Variants in EPB41L4A observed in about 807,000 individuals in gnomAD.
EPB41L4A encodes band 4.1-like protein 4A.
EPB41L4A carries 100 observed loss-of-function variants against 108.6 expected under a neutral mutation model. The observed-to-expected ratio is 0.92, with a 90% CI of 0.78 to 1.09. The LOEUF is 1.09. EPB41L4A is among the 50% of genes least tolerant of loss of function. The probability of loss-of-function intolerance (pLI) is 0.00; values close to 1 mark genes in which losing one functional copy is unlikely to be tolerated. For synonymous variants in EPB41L4A, 319 were observed against 289.0 expected (o/e 1.10, Z -1.05); for missense variants, 1,030 against 842.7 (o/e 1.22, Z -2.75).
intron 2 of EPB41L4A, 126 bp from the exon 3 acceptor site, chr5:112,280,449 T>C (rs552045917): frequency 2.5e-6 from 2 of 806,118 alleles, no homozygotes; most frequent in Admixed American, 1.9e-5. Context: ...ACTTCTCTCA[T>C]ATACACACAC....
intron 1 of EPB41L4A, among the ~76,000 whole-genome samples, chr5:112,331,341 T>C (rs189652917): frequency 6.6e-6 from 1 of 152,284 alleles, no homozygotes; most frequent in East Asian, 1.9e-4. Context: ...GTTTTACATA[T>C]AAACAAACCA....
intron 1 of EPB41L4A, among the ~76,000 whole-genome samples, chr5:112,403,305 T>C (rs1280927109): frequency 3.2e-5 from 4 of 123,188 alleles, no homozygotes; most frequent in Non-Finnish European, 5.2e-5. Context: ...TTTTAGGAAA[T>C]AATGATTTAT....
Position 112,418,976 on chromosome 5 carries a change from T to G in EPB41L4A, c.64A>C (p.Lys22Gln). Residue 22 changes from lysine to glutamine, a missense_variant, in exon 1 of 23, where the codon AAG becomes CAG. By Grantham distance (53) the Lys-to-Gln change is moderately conservative. Coordinates refer to ENST00000261486, the MANE Select transcript of EPB41L4A (RefSeq NM_022140.5). ...TGCTGCTGGGTGGTAAGGGTTAACTTGGATTCATCCAGGAGCAAAACTTCG... is the reference window on the plus strand; with the variant it reads ...TGCTGCTGGGTGGTAAGGGTTAACTGGGATTCATCCAGGAGCAAAACTTCG... ...YCEVLLLDES[K>Q]LTLTTQQQGI... 6.2e-7 allele frequency: 1 copy of G among 1,613,382 alleles called. No individual in the cohort carries two copies. The highest frequency in any genetic ancestry group is 8.5e-7 in the Non-Finnish European group (1 of 1,179,632).
chr5:112,285,519 T>C (rs562468429), intron 2 of EPB41L4A, among the ~76,000 whole-genome samples: 2 of 152,300 alleles, frequency 1.3e-5, no homozygotes, highest in African/African-American at 4.8e-5. Flanking sequence ...CTCCTTCATA[T>C]GAGTCACAGA....
chr5:112,346,330 A>T (rs568657034), intron 1 of EPB41L4A, among the ~76,000 whole-genome samples: 28 of 141,888 alleles, frequency 2.0e-4, no homozygotes, highest in Non-Finnish European at 3.3e-4. Context: ...GGTTCAAGCG[A>T]TTCTCCTGCC....
chr5:112,160,446 G>A (rs2112836043), downstream of EPB41L4A: 1 of 152,482 alleles, frequency 6.6e-6, no homozygotes, highest in Non-Finnish European at 1.5e-5. Flanking sequence ...ACTCAGGCCA[G>A]GGCCTGGAGC....
chr5:112,214,287 A>G (rs991665462), intron 12 of EPB41L4A, among the ~76,000 whole-genome samples: 3 of 152,258 alleles, frequency 2.0e-5, no homozygotes. Context: ...AACTAAAATA[A>G]TTAACCAATA....
intron 12 of EPB41L4A, among the ~76,000 whole-genome samples, chr5:112,210,512 G>A (rs1284288187): frequency 6.6e-6 from 1 of 152,156 alleles, no homozygotes; most frequent in Admixed American, 6.5e-5. Context: ...ATTTTCAAAT[G>A]TGTTCTTCAT....
chr5:112,325,709 T>A (rs902203399), intron 1 of EPB41L4A, among the ~76,000 whole-genome samples: 1 of 151,880 alleles, frequency 6.6e-6, no homozygotes, highest in South Asian at 2.1e-4. Flanking sequence ...GAAGGGTGAG[T>A]TGGGGACGTA....
chr5:112,340,002 A>T (rs1374273876), intron 1 of EPB41L4A, among the ~76,000 whole-genome samples: 2 of 152,180 alleles, frequency 1.3e-5, no homozygotes, highest in Non-Finnish European at 2.9e-5. Context: ...TTGGTTAATA[A>T]GAGAAAGTTG....
intron 1 of EPB41L4A, among the ~76,000 whole-genome samples, chr5:112,317,647 A>C (rs1374629247): frequency 6.6e-6 from 1 of 152,196 alleles, no homozygotes; most frequent in Non-Finnish European, 1.5e-5. Context: ...AGGGCATATC[A>C]CAACAGATGA....
chr5:112,398,108 T>C (rs1023244193), intron 1 of EPB41L4A, among the ~76,000 whole-genome samples: 2 of 152,190 alleles, frequency 1.3e-5, no homozygotes, highest in Non-Finnish European at 2.9e-5. Flanking sequence ...GCACAGCATG[T>C]AGACAGGAAG....
intron 12 of EPB41L4A, among the ~76,000 whole-genome samples, chr5:112,226,456 G>GA (rs1167030026): frequency 6.6e-6 from 1 of 152,150 alleles, no homozygotes; most frequent in Non-Finnish European, 1.5e-5. Flanking sequence ...TGCTTAACAT[G>GA]AAAAATGCAC....
chr5:112,345,111 A>G (rs772187433), intron 1 of EPB41L4A, among the ~76,000 whole-genome samples: 3 of 152,224 alleles, frequency 2.0e-5, no homozygotes, highest in Admixed American at 6.5e-5. Flanking sequence ...AATCTTGCCT[A>G]TCTGGCACAG....
intron 1 of EPB41L4A, among the ~76,000 whole-genome samples, chr5:112,365,421 G>A (rs148693521): frequency 9.9e-5 from 15 of 152,090 alleles, no homozygotes; most frequent in Non-Finnish European, 1.8e-4. Flanking sequence ...AGTATGTAAA[G>A]GTTTTAATAA....
intron 1 of EPB41L4A, among the ~76,000 whole-genome samples, chr5:112,417,880 C>T (rs1407633887): frequency 6.6e-6 from 1 of 152,182 alleles, no homozygotes; most frequent in Admixed American, 6.5e-5. Context: ...AAACTTTTAG[C>T]CAGGAATAGT....
At chr5:112,175,168 A>G (rs1327559718) in intron 18 of EPB41L4A, 1 of 152,246 alleles carries the variant, frequency 6.6e-6, no homozygotes, top group Non-Finnish European at 1.5e-5. Context: ...ATAGTAAGAT[A>G]TTATCACCAC....
intron 18 of EPB41L4A, among the ~76,000 whole-genome samples, chr5:112,178,748 C>T (rs1580375408): frequency 6.6e-6 from 1 of 151,030 alleles, no homozygotes; most frequent in South Asian, 2.1e-4. Context: ...ATGTCAAAAA[C>T]ATGTGAGATA....
chr5:112,254,934 G>C (rs1259832843), intron 9 of EPB41L4A, among the ~76,000 whole-genome samples: 1 of 151,990 alleles, frequency 6.6e-6, no homozygotes, highest in Non-Finnish European at 1.5e-5. Flanking sequence ...GAGACCCCTG[G>C]CTCTCTCTGA....
Sources: gnomAD v4.1 joint callset for allele counts (sites outside exome capture counted in the v4.1 genomes callset) on GRCh38, gnomAD v4.1.1 for gene constraint, MANE v1.5 for transcripts, NCBI Gene and HGNC (gene_info 2026-07-23, HGNC 2026-07-21) for gene names.